ASTN2: variants seen among roughly 807,000 people sequenced by gnomAD.
ASTN2 encodes astrotactin-2.
ASTN2 carries 54 observed loss-of-function variants against 139.8 expected under a neutral mutation model. The observed-to-expected ratio is 0.39, with a 90% CI of 0.31 to 0.48. ASTN2 has a LOEUF of 0.48. Among genes scored for constraint, ASTN2 ranks in the 20% least tolerant of loss-of-function variants. The pLI is 0.95. For synonymous variants in ASTN2, 756 were observed against 719.5 expected (o/e 1.05, Z -0.81); for missense variants, 1,565 against 1,725.1 (o/e 0.91, Z 1.64).
intron 1 of ASTN2, among the ~76,000 whole-genome samples, chr9:117,319,487 G>A (rs1828254398): frequency 6.6e-6 from 1 of 151,912 alleles, no homozygotes; most frequent in African/African-American, 2.4e-5. Flanking sequence ...GGAGTGCATT[G>A]GTGCAATCTT....
rs1439120956 is a variant in ASTN2, at chr9:116,698,484, C to T, written c.2806+27287G>A. The T allele has an allele frequency of 6.2e-7, 1 of 1,613,776 alleles. No individual in the cohort carries two copies. The highest frequency in any genetic ancestry group is 8.5e-7 in the Non-Finnish European group (1 of 1,180,026). ...TGACTACTTCCTGGCCAAGATCAAGCAGGCAGATGTAGCACTACTGGAGGA... is the reference window on the plus strand; with the variant it reads ...TGACTACTTCCTGGCCAAGATCAAGTAGGCAGATGTAGCACTACTGGAGGA... On this transcript the variant is annotated intron_variant, in intron 16 of 22. Coordinates refer to ENST00000313400, the MANE Select transcript of ASTN2 (RefSeq NM_001365068.1). The surrounding 1 kb of genome is among the most constrained non-coding windows in gnomAD (Gnocchi z 4.4).
intron 5 of ASTN2, among the ~76,000 whole-genome samples, chr9:117,050,749 G>A (rs2132667310): frequency 6.6e-6 from 1 of 152,046 alleles, no homozygotes; most frequent in East Asian, 1.9e-4. Context: ...TCTAAAAATA[G>A]GGGGCATTTT....
chr9:117,158,043 C>T lies in ASTN2; in HGVS notation c.1016-16565G>A, dbSNP rs1830468307. Reference sequence around the variant, plus strand: ...CCAGTAACTGTGCTAGGCATTTTACCTGAATTTCCCAATTTAATACAACAG... The same window carrying T: ...CCAGTAACTGTGCTAGGCATTTTACTTGAATTTCCCAATTTAATACAACAG... On this transcript the variant is annotated intron_variant, in intron 3 of 22. Transcript: ENST00000313400. 2.6e-5 allele frequency among the ~76,000 whole-genome samples: 4 copies of T among 152,058 alleles called. 1 individual carries two copies. The highest frequency in any genetic ancestry group is 6.8e-3 in the Middle Eastern group (2 of 294).
chr9:116,655,017 C>T (rs1413079242), intron 16 of ASTN2, among the ~76,000 whole-genome samples: 1 of 152,178 alleles, frequency 6.6e-6, no homozygotes, highest in Non-Finnish European at 1.5e-5. Context: ...AAAATTGCAC[C>T]ACAGTAGCAG....
intron 4 of ASTN2, among the ~76,000 whole-genome samples, chr9:117,122,323 T>C (rs1467399191): frequency 6.6e-6 from 1 of 152,010 alleles, no homozygotes; most frequent in African/African-American, 2.4e-5. Flanking sequence ...GAGTGGCAAA[T>C]CACAATTAGG....
intron 17 of ASTN2, among the ~76,000 whole-genome samples, chr9:116,624,380 A>G (rs1856333757): frequency 1.3e-5 from 2 of 152,330 alleles, no homozygotes; most frequent in Middle Eastern, 3.4e-3. Flanking sequence ...GGGAATGAAC[A>G]AGACCAAGTC....
chr9:117,276,279 C>A (rs1377032888), intron 2 of ASTN2, among the ~76,000 whole-genome samples: 2 of 152,156 alleles, frequency 1.3e-5, no homozygotes, highest in Non-Finnish European at 2.9e-5. Context: ...AAGTAGCTAG[C>A]CCAAGATCAC....
At chr9:116,983,798 A>G (rs929274905) in intron 7 of ASTN2, among the ~76,000 whole-genome samples, 4 of 152,180 alleles carry the variant, frequency 2.6e-5, no homozygotes, top group Admixed American at 1.3e-4. Flanking sequence ...GCCTCTTGCC[A>G]TTAGAAAAAA....
chr9:116,928,621 AGAAAT>A (rs1210355154), intron 10 of ASTN2, among the ~76,000 whole-genome samples: 2 of 152,228 alleles, frequency 1.3e-5, no homozygotes, highest in Non-Finnish European at 2.9e-5. Context: ...AAAAGAACAG[AGAAAT>A]GAAGGGGAAG....
chr9:116,928,026 AG>A (rs1215042395), intron 10 of ASTN2, among the ~76,000 whole-genome samples: 2 of 152,168 alleles, frequency 1.3e-5, no homozygotes, highest in Non-Finnish European at 2.9e-5. Context: ...GCTAGAGACC[AG>A]CCTTTCTCAT....
chr9:117,301,516 G>A (rs1302856240), intron 1 of ASTN2, among the ~76,000 whole-genome samples: 1 of 152,178 alleles, frequency 6.6e-6, no homozygotes, highest in Non-Finnish European at 1.5e-5. Flanking sequence ...GGCCCTAAAA[G>A]GGGACTACAC....
intron 2 of ASTN2, among the ~76,000 whole-genome samples, chr9:117,216,883 T>C (rs1437278336): frequency 1.3e-5 from 2 of 152,210 alleles, no homozygotes; most frequent in Admixed American, 1.3e-4. Flanking sequence ...TACTGAATGT[T>C]TTTTTATTTA....
intron 2 of ASTN2, among the ~76,000 whole-genome samples, chr9:117,235,348 T>C (rs539245776): frequency 6.6e-6 from 1 of 152,240 alleles, no homozygotes; most frequent in East Asian, 1.9e-4. Context: ...AAATCAATCC[T>C]CATTGGAAAT....
chr9:116,437,106 T>C (rs1847678753), intron 22 of ASTN2: 1 of 320,886 alleles, frequency 3.1e-6, no homozygotes, highest in Non-Finnish European at 6.1e-6. Flanking sequence ...TACCTAATGC[T>C]AGATGACGAG....
chr9:116,827,538 A>G (rs1241794921), intron 11 of ASTN2, among the ~76,000 whole-genome samples: 2 of 152,122 alleles, frequency 1.3e-5, no homozygotes, highest in Non-Finnish European at 2.9e-5. Flanking sequence ...AACCAGAAAT[A>G]TAAAAACAGA....
At chr9:116,920,077 C>T (rs1834558390) in intron 10 of ASTN2, among the ~76,000 whole-genome samples, 1 of 152,202 alleles carries the variant, frequency 6.6e-6, no homozygotes, top group African/African-American at 2.4e-5. Context: ...TCAAATGCTG[C>T]CTCCTTGGTA....
intron 1 of ASTN2, among the ~76,000 whole-genome samples, chr9:117,328,740 G>A (rs1828602894): frequency 6.6e-6 from 1 of 152,136 alleles, no homozygotes. Flanking sequence ...TAGAACATGG[G>A]GCCTTTCTCT....
intron 19 of ASTN2, among the ~76,000 whole-genome samples, chr9:116,507,675 A>G (rs780720786): frequency 1.9e-4 from 29 of 151,856 alleles, no homozygotes; most frequent in Non-Finnish European, 3.5e-4. Flanking sequence ...CTCCTCTCTT[A>G]TTGTTCTTGG....
intron 19 of ASTN2, among the ~76,000 whole-genome samples, chr9:116,520,781 C>T (rs979615394): frequency 6.6e-6 from 1 of 152,090 alleles, no homozygotes; most frequent in African/African-American, 2.4e-5. Flanking sequence ...GCTCCTAGAA[C>T]TGGTAAATGA....
Sources: allele counts gnomAD v4.1 joint callset (sites outside exome capture counted in the v4.1 genomes callset), GRCh38; gene constraint gnomAD v4.1.1; non-coding constraint Gnocchi (gnomAD v3.1); transcripts MANE v1.5; gene names NCBI Gene and HGNC (gene_info 2026-07-23, HGNC 2026-07-21).